The following MDGA2 variants were observed in gnomAD, a reference collection of about 807,000 sequenced individuals.
MDGA2 encodes MAM domain-containing glycosylphosphatidylinositol anchor protein 2.
In MDGA2, 40 loss-of-function variants were observed where a neutral mutation model predicts 117.8. That is an observed-to-expected ratio of 0.34 (90% CI 0.26 to 0.44). The LOEUF (loss-of-function observed/expected upper bound fraction) is 0.44. Among genes scored for constraint, MDGA2 ranks in the 20% least tolerant of loss-of-function variants. The probability of loss-of-function intolerance (pLI) is 1.00; values close to 1 mark genes in which losing one functional copy is unlikely to be tolerated. For synonymous variants in MDGA2, 452 were observed against 439.0 expected, an observed-to-expected ratio of 1.03 and a Z score of -0.37; for missense variants, 1,123 against 1,250.6, an observed-to-expected ratio of 0.90 and a Z score of 1.54.
At chr14:46,899,740 T>C (rs755226836) in intron 10 of MDGA2, among the ~76,000 whole-genome samples, 13 of 152,122 alleles carry the variant, frequency 8.5e-5, no homozygotes, top group Admixed American at 2.0e-4. Flanking sequence ...TGGCAAAATA[T>C]AGCTTTAAAA....
chr14:47,360,354 A>AAAT (rs1555376180), intron 1 of MDGA2, among the ~76,000 whole-genome samples: 1 of 139,972 alleles, frequency 7.1e-6, no homozygotes, highest in Non-Finnish European at 1.5e-5. Context: ...TCCATCTCAA[A>AAAT]AAATAAATAA....
chr14:47,664,531 TG>T (rs1219266981), intron 1 of MDGA2, among the ~76,000 whole-genome samples: 1 of 152,256 alleles, frequency 6.6e-6, no homozygotes, highest in Admixed American at 6.5e-5. Context: ...GTTTACTCGA[TG>T]TGGAAACTGA....
At chr14:47,094,948 TA>T (rs1246772268) in intron 6 of MDGA2, among the ~76,000 whole-genome samples, 1 of 152,040 alleles carries the variant, frequency 6.6e-6, no homozygotes, top group Non-Finnish European at 1.5e-5. Context: ...ATTTTAAAAA[TA>T]AAAGTTGGAT....
intron 9 of MDGA2, among the ~76,000 whole-genome samples, chr14:46,947,235 T>A (rs1360396259): frequency 1.3e-5 from 2 of 152,128 alleles, no homozygotes; most frequent in African/African-American, 4.8e-5. Context: ...TTCTTTAATA[T>A]TTTGAAGACA....
chr14:47,000,544 A>G (rs1393899853), intron 8 of MDGA2, among the ~76,000 whole-genome samples: 1 of 150,160 alleles, frequency 6.7e-6, no homozygotes, highest in East Asian at 1.9e-4. Flanking sequence ...ATATTTAAAT[A>G]TAAGAGGAAG....
chr14:47,026,988 A>G (rs1174369231), intron 8 of MDGA2, among the ~76,000 whole-genome samples: 1 of 151,968 alleles, frequency 6.6e-6, no homozygotes, highest in Non-Finnish European at 1.5e-5. Flanking sequence ...GCTGGGCAAC[A>G]TAGCAAGACT....
In MDGA2 at chr14:47,022,136, G is replaced by A. The variant is rs183333696; in HGVS notation, c.1819+12875C>T. On this transcript the variant is annotated intron_variant, in intron 8 of 16. Transcript: ENST00000399232. ...GTTTCACTCTATCTCCCAGACTGGA[G>A]TGCAGTGACACAATAACGGCTCACT... Among the ~76,000 whole-genome samples, 14 of 152,186 alleles carry A rather than the reference G, an allele frequency of 9.2e-5. No homozygotes were observed. In the East Asian group the frequency reaches 2.5e-3, roughly 27 times the overall value.
At chr14:47,470,737 G>C (rs1191698671) in intron 1 of MDGA2, among the ~76,000 whole-genome samples, 3 of 152,076 alleles carry the variant, frequency 2.0e-5, no homozygotes, top group Non-Finnish European at 4.4e-5. Context: ...CTGTGGGATA[G>C]GTTTAATGGG....
intron 8 of MDGA2, among the ~76,000 whole-genome samples, chr14:46,988,465 C>G (rs1290257364): frequency 2.6e-5 from 4 of 151,984 alleles, no homozygotes; most frequent in African/African-American, 9.7e-5. Context: ...GACATGTTTG[C>G]TGATAGGAAG....
chr14:47,333,506 C>T (rs1399971076), intron 1 of MDGA2, among the ~76,000 whole-genome samples: 1 of 151,756 alleles, frequency 6.6e-6, no homozygotes, highest in Non-Finnish European at 1.5e-5. Context: ...TTTATTTTGG[C>T]TATGAAGTCT....
chr14:47,300,739 T>A (rs977587228), intron 2 of MDGA2, among the ~76,000 whole-genome samples: 2 of 151,892 alleles, frequency 1.3e-5, no homozygotes, highest in African/African-American at 4.8e-5. Context: ...CCTCAAATGA[T>A]CCCCTTGCCT....
chr14:47,215,686 G>A (rs912912292), intron 3 of MDGA2, among the ~76,000 whole-genome samples: 1 of 152,092 alleles, frequency 6.6e-6, no homozygotes. Flanking sequence ...GGTGCTAAAG[G>A]TAAGGCATTC....
At chr14:47,105,972 TAGCCGAC>T (rs1880646830) in intron 5 of MDGA2, among the ~76,000 whole-genome samples, 4 of 1,128 alleles carry the variant, frequency 3.5e-3, no homozygotes, top group East Asian at 0.25. Flanking sequence ...GTTCCGTGAC[TAGCCGAC>T]TAGCCCTCCC....
At chr14:47,443,076 G>GTAC (rs1421155832) in intron 1 of MDGA2, among the ~76,000 whole-genome samples, 1 of 152,118 alleles carries the variant, frequency 6.6e-6, no homozygotes, top group Non-Finnish European at 1.5e-5. Flanking sequence ...ATGCCATAAA[G>GTAC]TACTTTCTTT....
chr14:47,354,412 T>C (rs1011090452), intron 1 of MDGA2, among the ~76,000 whole-genome samples: 1 of 152,104 alleles, frequency 6.6e-6, no homozygotes, highest in African/African-American at 2.4e-5. Flanking sequence ...AACAGTCAGA[T>C]CCAGAGATGC....
intron 1 of MDGA2, among the ~76,000 whole-genome samples, chr14:47,492,795 GC>G (rs925456160): frequency 3.3e-5 from 5 of 151,986 alleles, no homozygotes; most frequent in African/African-American, 7.2e-5. Context: ...CCATGACCTT[GC>G]TAAATTATAT....
intron 10 of MDGA2, among the ~76,000 whole-genome samples, chr14:46,903,654 C>T (rs1331593537): frequency 6.6e-6 from 1 of 151,864 alleles, no homozygotes; most frequent in Non-Finnish European, 1.5e-5. Flanking sequence ...TTTAATTTTT[C>T]TCCAAAAATT....
intron 1 of MDGA2, among the ~76,000 whole-genome samples, chr14:47,665,469 A>G (rs1897927642): frequency 6.6e-6 from 1 of 152,096 alleles, no homozygotes; most frequent in Non-Finnish European, 1.5e-5. Flanking sequence ...GCACCGTGGG[A>G]GCCCTTCTCC....
chr14:47,384,728 T>C (rs945047522), intron 1 of MDGA2, among the ~76,000 whole-genome samples: 1 of 152,138 alleles, frequency 6.6e-6, no homozygotes, highest in Non-Finnish European at 1.5e-5. Flanking sequence ...CCACCTGATA[T>C]ACCCACTTAA....
Sources: gnomAD v4.1 joint callset for allele counts (sites outside exome capture counted in the v4.1 genomes callset) on GRCh38, gnomAD v4.1.1 for gene constraint, MANE v1.5 for transcripts, NCBI Gene and HGNC (gene_info 2026-07-23, HGNC 2026-07-21) for gene names.